SDK1: variants seen among roughly 807,000 people sequenced by gnomAD.
SDK1 encodes protein sidekick-1.
SDK1 carries 157 observed loss-of-function variants against 245.5 expected under a neutral mutation model. The ratio of observed to expected loss-of-function variants is 0.64; its 90% confidence interval spans 0.56 to 0.73. The LOEUF (loss-of-function observed/expected upper bound fraction) is 0.73, where lower values mean the gene tolerates loss of function less well. Ranked by LOEUF, SDK1 falls within the 30% of genes least tolerant of loss-of-function variation. SDK1 has a pLI of 0.00. For synonymous variants in SDK1, 1,647 were observed against 1,278.5 expected (o/e 1.29, Z -6.15); for missense variants, 3,583 against 3,002.3 (o/e 1.19, Z -4.52).
chr7:3,925,431 A>G (rs1365861305), intron 5 of SDK1, among the ~76,000 whole-genome samples: 2 of 152,234 alleles, frequency 1.3e-5, no homozygotes, highest in Non-Finnish European at 2.9e-5. Flanking sequence ...TCAAGCTGTT[A>G]GGGCAAAAGC....
chr7:3,457,021 C>T (rs919336711), intron 1 of SDK1, among the ~76,000 whole-genome samples: 5 of 152,122 alleles, frequency 3.3e-5, no homozygotes, highest in African/African-American at 1.2e-4. Context: ...AAGGTGCTTC[C>T]GCAGTCCTGG....
intron 35 of SDK1, among the ~76,000 whole-genome samples, chr7:4,192,910 C>G (rs375252231): frequency 6.6e-6 from 1 of 151,096 alleles, no homozygotes; most frequent in Non-Finnish European, 1.5e-5. Context: ...TCATTTTATT[C>G]ACAAATACTT....
At chr7:3,767,767 T>A (rs1780296984) in intron 4 of SDK1, among the ~76,000 whole-genome samples, 1 of 152,138 alleles carries the variant, frequency 6.6e-6, no homozygotes, top group Non-Finnish European at 1.5e-5. Flanking sequence ...AATGATGGTA[T>A]TTTGCCTCAA....
intron 17 of SDK1, 117 bp from the exon 18 acceptor site, chr7:4,049,231 C>G (rs1789254859): frequency 1.4e-6 from 1 of 696,478 alleles, no homozygotes; most frequent in East Asian, 2.7e-5. Context: ...CTTCCTCGGT[C>G]TCAGTGCAAT....
chr7:4,162,581 G>A (rs529325226), intron 32 of SDK1, among the ~76,000 whole-genome samples: 2 of 151,896 alleles, frequency 1.3e-5, no homozygotes, highest in African/African-American at 2.4e-5. Flanking sequence ...TGTATTTTTA[G>A]TAGAGATGGG....
chr7:4,093,207 CTT>C (rs1430075441), intron 22 of SDK1, among the ~76,000 whole-genome samples: 1 of 152,020 alleles, frequency 6.6e-6, no homozygotes, highest in African/African-American at 2.4e-5. Flanking sequence ...CAAAACATCT[CTT>C]TGAGCATTTT....
chr7:3,587,349 G>A (rs936217080), intron 1 of SDK1, among the ~76,000 whole-genome samples: 2 of 152,012 alleles, frequency 1.3e-5, no homozygotes, highest in Admixed American at 6.5e-5. Context: ...TTATTAGAAG[G>A]TGTTGGCTTA....
chr7:3,655,022 G>A (rs1783117886), intron 4 of SDK1, among the ~76,000 whole-genome samples: 1 of 148,826 alleles, frequency 6.7e-6, no homozygotes, highest in African/African-American at 2.5e-5. Context: ...TGCCAGGCCT[G>A]GAATGTGTTA....
At chr7:3,760,121 C>T (rs2114988333) in intron 4 of SDK1, among the ~76,000 whole-genome samples, 1 of 152,030 alleles carries the variant, frequency 6.6e-6, no homozygotes, top group South Asian at 2.1e-4. Flanking sequence ...ATGGAAAATT[C>T]CTCCATAAAT....
chr7:3,677,262 C>T (rs190231381), intron 4 of SDK1, among the ~76,000 whole-genome samples: 79 of 152,132 alleles, frequency 5.2e-4, no homozygotes, highest in East Asian at 1.5e-3. Flanking sequence ...ATACGATAAG[C>T]ATCTTTGGCC....
chr7:4,096,600 G>A (rs1349630134), intron 22 of SDK1, among the ~76,000 whole-genome samples: 2 of 152,122 alleles, frequency 1.3e-5, no homozygotes, highest in Non-Finnish European at 2.9e-5. Context: ...TTTAATAAAT[G>A]GAAGTTCCTA....
At chr7:3,906,974 T>A (rs1198595722) in intron 5 of SDK1, among the ~76,000 whole-genome samples, 2 of 152,174 alleles carry the variant, frequency 1.3e-5, no homozygotes, top group East Asian at 3.9e-4. Flanking sequence ...CTGTCTTCTT[T>A]TCTCCATCAA....
chr7:3,603,782 T>C (rs1023317838), intron 1 of SDK1, among the ~76,000 whole-genome samples: 17 of 152,122 alleles, frequency 1.1e-4, no homozygotes, highest in Non-Finnish European at 1.9e-4. Flanking sequence ...GGAATGCTTC[T>C]AGTTTTTGCG....
chr7:3,953,907 G>C (rs890348706), intron 7 of SDK1, among the ~76,000 whole-genome samples: 2 of 152,172 alleles, frequency 1.3e-5, no homozygotes, highest in Non-Finnish European at 2.9e-5. Flanking sequence ...AAACCCTGAA[G>C]AGAGTGTCTG....
chr7:3,390,890 A>G (rs532686392), intron 1 of SDK1, among the ~76,000 whole-genome samples: 54 of 152,272 alleles, frequency 3.5e-4, no homozygotes, highest in Non-Finnish European at 6.6e-4. Flanking sequence ...AGCCCTAGGA[A>G]ATGAATATGT....
chr7:3,660,182 A>G (rs2128659079), intron 4 of SDK1, among the ~76,000 whole-genome samples: 1 of 152,274 alleles, frequency 6.6e-6, no homozygotes, highest in Admixed American at 6.5e-5. Context: ...AGCAAAGAAG[A>G]GAAGCAACTG....
chr7:3,541,812 G>A (rs944964254), intron 1 of SDK1, among the ~76,000 whole-genome samples: 11 of 152,130 alleles, frequency 7.2e-5, no homozygotes, highest in Non-Finnish European at 1.6e-4. Context: ...AACCCTGTGT[G>A]GTGTTGAAGA....
chr7:3,823,660 G>A (rs1331844225), intron 5 of SDK1, among the ~76,000 whole-genome samples: 3 of 152,148 alleles, frequency 2.0e-5, no homozygotes, highest in South Asian at 4.1e-4. Flanking sequence ...TAACTGGGTT[G>A]CATTTTGTTC....
chr7:3,987,683 C>T (rs934872772), intron 14 of SDK1, among the ~76,000 whole-genome samples: 3 of 152,200 alleles, frequency 2.0e-5, no homozygotes, highest in South Asian at 2.1e-4. Flanking sequence ...CGCCACTGCT[C>T]ATGTCTGTGG....
Sources: allele counts gnomAD v4.1 joint callset (sites outside exome capture counted in the v4.1 genomes callset), GRCh38; gene constraint gnomAD v4.1.1; transcripts MANE v1.5; gene names NCBI Gene and HGNC (gene_info 2026-07-23, HGNC 2026-07-21).